CACNA1E: variants seen among roughly 807,000 people sequenced by gnomAD.
CACNA1E encodes voltage-dependent R-type calcium channel subunit alpha-1E.
CACNA1E carries 40 observed loss-of-function variants against 259.2 expected under a neutral mutation model. That is an observed-to-expected ratio of 0.15 (90% CI 0.12 to 0.20). The LOEUF is 0.20. Among genes scored for constraint, CACNA1E ranks in the 10% least tolerant of loss-of-function variants. The pLI, the probability that CACNA1E is intolerant of heterozygous loss-of-function variation, is 1.00. For missense variants in CACNA1E, 1,874 were observed against 3,040.1 expected (o/e 0.62, Z 9.02); for synonymous variants, 1,104 against 1,138.5 (o/e 0.97, Z 0.61).
intron 1 of CACNA1E, among the ~76,000 whole-genome samples, chr1:181,382,643 C>T (rs973601551): frequency 9.2e-5 from 14 of 152,134 alleles, no homozygotes; most frequent in Non-Finnish European, 1.5e-4. Flanking sequence ...ACTCCTTGAC[C>T]AACCACCTTA....
chr1:181,354,578 TC>T (rs1653283776), intron 1 of CACNA1E, among the ~76,000 whole-genome samples: 1 of 152,174 alleles, frequency 6.6e-6, no homozygotes, highest in African/African-American at 2.4e-5. Flanking sequence ...TAGAGATTCT[TC>T]TCTATGGTTC....
At chr1:181,417,456 C>T (rs986531801) in intron 2 of CACNA1E, among the ~76,000 whole-genome samples, 1 of 152,124 alleles carries the variant, frequency 6.6e-6, no homozygotes, top group Non-Finnish European at 1.5e-5. Context: ...ACTTTGTTGT[C>T]CCTCTGCTGC....
At chr1:181,322,330 G>A (rs1050850552) in intron 1 of CACNA1E, among the ~76,000 whole-genome samples, 3 of 152,196 alleles carry the variant, frequency 2.0e-5, no homozygotes, top group Non-Finnish European at 4.4e-5. Flanking sequence ...AAGGGAGAAG[G>A]AGAGACATGG....
intron 3 of CACNA1E, among the ~76,000 whole-genome samples, chr1:181,516,661 C>G (rs986342711): frequency 6.6e-6 from 1 of 152,192 alleles, no homozygotes; most frequent in Non-Finnish European, 1.5e-5. Context: ...TCCCTATTTC[C>G]CTTGTGTCTC....
At chr1:181,603,597 G>A (rs1039641672) in intron 6 of CACNA1E, among the ~76,000 whole-genome samples, 4 of 151,128 alleles carry the variant, frequency 2.6e-5, no homozygotes, top group African/African-American at 9.8e-5. Flanking sequence ...CCTACCCGGA[G>A]ACTTTGCTCG....
At chr1:181,356,856 TG>T (rs1457015694) in intron 1 of CACNA1E, among the ~76,000 whole-genome samples, 1 of 152,108 alleles carries the variant, frequency 6.6e-6, no homozygotes, top group African/African-American at 2.4e-5. Context: ...TCCTGAGCCC[TG>T]GTAGGAGCTT....
At chr1:181,513,499 C>A (rs1372494436) in intron 3 of CACNA1E, among the ~76,000 whole-genome samples, 1 of 152,192 alleles carries the variant, frequency 6.6e-6, no homozygotes, top group African/African-American at 2.4e-5. Context: ...ATTAAAGATG[C>A]TCCAACGTAC....
At position 181,753,096 on chromosome 1, in the gene CACNA1E, A is replaced by G. The variant is rs562247553; in HGVS notation, c.3828+857A>G. Among the ~76,000 whole-genome samples the G allele has an allele frequency of 1.8e-3, 279 of 152,314 alleles. 6 individuals are homozygous for G. The highest frequency in any genetic ancestry group is 7.8e-3 in the Admixed American group (119 of 15,300). On this transcript the variant is annotated intron_variant, in intron 27 of 47. Coordinates refer to ENST00000367573, the MANE Select transcript of CACNA1E (RefSeq NM_001205293.3). ...ACCAGAGCTCCTGGTTTCCAGCCCC[A>G]AAGTCTTTCTGCTGCTCAGGCCACA...
chr1:181,625,527 C>T (rs1203882946), intron 6 of CACNA1E, among the ~76,000 whole-genome samples: 1 of 152,262 alleles, frequency 6.6e-6, no homozygotes, highest in Non-Finnish European at 1.5e-5. Flanking sequence ...GGCTTCTTTC[C>T]TTCAACCTCG....
At chr1:181,559,067 G>T (rs1389640642) in intron 3 of CACNA1E, among the ~76,000 whole-genome samples, 1 of 152,194 alleles carries the variant, frequency 6.6e-6, no homozygotes, top group Non-Finnish European at 1.5e-5. Context: ...ATTAAGCCTG[G>T]AGCATTCAAG....
intron 6 of CACNA1E, among the ~76,000 whole-genome samples, chr1:181,623,783 G>A (rs56015938): frequency 6.6e-6 from 1 of 152,140 alleles, no homozygotes; most frequent in Non-Finnish European, 1.5e-5. Context: ...TGAGCCTTCA[G>A]AAAGTCTTAA....
intron 1 of CACNA1E, among the ~76,000 whole-genome samples, chr1:181,487,040 T>A (rs983317830): frequency 5.4e-5 from 8 of 147,462 alleles, no homozygotes; most frequent in African/African-American, 2.0e-4. Context: ...TTTTTTTTTT[T>A]AAGAAAGGAA....
chr1:181,630,261 G>T (rs1656592860), intron 6 of CACNA1E, among the ~76,000 whole-genome samples: 1 of 152,078 alleles, frequency 6.6e-6, no homozygotes, highest in South Asian at 2.1e-4. Flanking sequence ...TTCTGCTACT[G>T]TCTTGCCATA....
intron 32 of CACNA1E, among the ~76,000 whole-genome samples, chr1:181,760,893 C>T (rs1290127791): frequency 6.6e-6 from 1 of 152,168 alleles, no homozygotes; most frequent in African/African-American, 2.4e-5. Flanking sequence ...AACTGGAATC[C>T]AGAGCTTCTG....
intron 2 of CACNA1E, among the ~76,000 whole-genome samples, chr1:181,468,416 C>T (rs1662283563): frequency 6.6e-6 from 1 of 152,212 alleles, no homozygotes; most frequent in African/African-American, 2.4e-5. Flanking sequence ...ACCTTCCCAA[C>T]ATGGTGCAGA....
chr1:181,784,824 C>A, intron 41 of CACNA1E, 56 bp downstream of exon 41: 1 of 1,075,168 alleles, frequency 9.3e-7, no homozygotes, highest in South Asian at 1.4e-5. Flanking sequence ...GTGAAGACTA[C>A]GTCTTTGGGG....
At chr1:181,602,275 G>A (rs1471649992) in intron 6 of CACNA1E, among the ~76,000 whole-genome samples, 5 of 152,192 alleles carry the variant, frequency 3.3e-5, no homozygotes, top group African/African-American at 1.2e-4. Flanking sequence ...TGATGCTCAG[G>A]TTAGTACCTG....
In CACNA1E at chr1:181,335,614, G is replaced by A. The variant is rs578137370; in HGVS notation, c.-15+17491G>A. On this transcript the variant is annotated intron_variant, in intron 1 of 11. Transcript: ENST00000524607. ...ATCCAAGGCCTGCATCCTGGAGCAT[G>A]CCCTGGCCCAGAAAAAGGCAGTGGT... 1.6e-4 allele frequency among the ~76,000 whole-genome samples: 24 copies of A among 152,314 alleles called. No individual in the cohort carries two copies. The East Asian group carries it at 4.6e-3, about 29-fold the overall frequency.
intron 6 of CACNA1E, among the ~76,000 whole-genome samples, chr1:181,636,847 G>T (rs1301072593): frequency 6.6e-6 from 1 of 152,172 alleles, no homozygotes; most frequent in African/African-American, 2.4e-5. Context: ...GAGAACCAGG[G>T]TCACTTTCAG....
Sources: gnomAD v4.1 joint callset for allele counts (sites outside exome capture counted in the v4.1 genomes callset) on GRCh38, gnomAD v4.1.1 for gene constraint, MANE v1.5 for transcripts, NCBI Gene and HGNC (gene_info 2026-07-23, HGNC 2026-07-21) for gene names.